Variants in SLC9A9 observed in about 807,000 individuals in gnomAD.
The protein encoded by SLC9A9 is sodium/hydrogen exchanger 9.
In SLC9A9, 62 loss-of-function variants were observed where a neutral mutation model predicts 77.8. The observed-to-expected ratio is 0.80, with a 90% CI of 0.65 to 0.98. The LOEUF is 0.98. Ranked by LOEUF, SLC9A9 falls within the 50% of genes least tolerant of loss-of-function variation. SLC9A9 has a pLI of 0.00. For synonymous variants in SLC9A9, 320 were observed against 283.5 expected, an observed-to-expected ratio of 1.13 and a Z score of -1.29; for missense variants, 775 against 774.9, an observed-to-expected ratio of 1.00 and a Z score of 0.00.
At chr3:143,815,735 G>A (rs112514129) in intron 2 of SLC9A9, among the ~76,000 whole-genome samples, 5 of 152,112 alleles carry the variant, frequency 3.3e-5, no homozygotes, top group South Asian at 2.1e-4. Context: ...GCATGGTGGT[G>A]TGCATCTGTA....
At position 143,564,485 on chromosome 3, in the gene SLC9A9, A is replaced by G. The variant is rs188710650; in HGVS notation, c.1000+9603T>C. On this transcript the variant is annotated intron_variant, in intron 8 of 15. Transcript: ENST00000316549. Reference sequence around the variant, plus strand: ...GTCCTCTGAGGGGTTTAAGAGGTTGATGGGTTATTCTTCCATGCCACACTT... The same window carrying G: ...GTCCTCTGAGGGGTTTAAGAGGTTGGTGGGTTATTCTTCCATGCCACACTT... Among the ~76,000 whole-genome samples the G allele has an allele frequency of 7.9e-5, 12 of 152,256 alleles. No individual in the cohort carries two copies. In the East Asian group the frequency reaches 2.3e-3, roughly 29 times the overall value.
At chr3:143,828,759 A>G (rs911217934) in intron 2 of SLC9A9, among the ~76,000 whole-genome samples, 5 of 152,214 alleles carry the variant, frequency 3.3e-5, no homozygotes, top group Non-Finnish European at 7.3e-5. Context: ...GAGGTCCTGA[A>G]GAAAAAAGTT....
chr3:143,655,681 T>TTCAC, intron 5 of SLC9A9: 3 of 626,142 alleles, frequency 4.8e-6, no homozygotes, highest in Non-Finnish European at 3.9e-6. Flanking sequence ...CATGCACATG[T>TTCAC]ACACACACAC....
chr3:143,831,171 C>A (rs1441146677), intron 2 of SLC9A9, among the ~76,000 whole-genome samples: 1 of 151,802 alleles, frequency 6.6e-6, no homozygotes, highest in Non-Finnish European at 1.5e-5. Context: ...AAAAGTGAAA[C>A]AATGGACTTC....
intron 12 of SLC9A9, among the ~76,000 whole-genome samples, chr3:143,400,724 A>C (rs1327921284): frequency 1.2e-4 from 1 of 8,128 alleles, no homozygotes; most frequent in Non-Finnish European, 3.4e-4. Context: ...TTTATGCAAA[A>C]AAAAAAAAAA....
intron 14 of SLC9A9, among the ~76,000 whole-genome samples, chr3:143,295,774 T>C (rs1434132920): frequency 2.0e-5 from 3 of 152,134 alleles, no homozygotes; most frequent in Admixed American, 1.3e-4. Flanking sequence ...TTAATTGTGC[T>C]TTCAGACCAT....
chr3:143,653,191 A>G (rs1014599321), intron 5 of SLC9A9, among the ~76,000 whole-genome samples: 3 of 152,220 alleles, frequency 2.0e-5, no homozygotes, highest in African/African-American at 7.2e-5. Context: ...AGAACAGGAC[A>G]TGAGGATTTG....
In SLC9A9 at chr3:143,643,291, C is replaced by T. The variant is rs115648938; in HGVS notation, c.755+8964G>A. ...TTATTGGCTTACATTTCCTGTATCA[C>T]AACTGCCCAGGCTAGGGATTTTGAT... is the stretch of plus-strand genomic sequence containing the variant. On this transcript the variant is annotated intron_variant, in intron 6 of 15. Transcript: ENST00000316549. Among the ~76,000 whole-genome samples the T allele has an allele frequency of 4.2e-3, 640 of 152,358 alleles. 2 individuals are homozygous for T. The highest frequency in any genetic ancestry group is 0.012 in the African/African-American group (519 of 41,580).
intron 2 of SLC9A9, among the ~76,000 whole-genome samples, chr3:143,829,674 T>A (rs2009386435): frequency 6.6e-6 from 1 of 152,232 alleles, no homozygotes; most frequent in African/African-American, 2.4e-5. Context: ...ATTTTATTAA[T>A]TCCTGGCATA....
intron 11 of SLC9A9, among the ~76,000 whole-genome samples, chr3:143,485,863 T>C (rs1474377587): frequency 6.6e-6 from 1 of 151,476 alleles, no homozygotes; most frequent in East Asian, 1.9e-4. Flanking sequence ...AAAGAATATG[T>C]TGAGAAAGTT....
At chr3:143,617,220 C>T (rs555583054) in intron 6 of SLC9A9, among the ~76,000 whole-genome samples, 1 of 152,334 alleles carries the variant, frequency 6.6e-6, no homozygotes, top group East Asian at 1.9e-4. Flanking sequence ...AGGCAAGAGT[C>T]AGCAAACTAT....
At chr3:143,423,931 T>C (rs2034357107) in intron 12 of SLC9A9, among the ~76,000 whole-genome samples, 1 of 152,206 alleles carries the variant, frequency 6.6e-6, no homozygotes, top group South Asian at 2.1e-4. Flanking sequence ...CATGAGGAAG[T>C]ATCAGAAACA....
intron 5 of SLC9A9, among the ~76,000 whole-genome samples, chr3:143,678,374 A>G (rs1051745015): frequency 1.3e-5 from 2 of 152,112 alleles, no homozygotes; most frequent in Admixed American, 6.5e-5. Context: ...GAGTCTCTAT[A>G]TCCTTAATCT....
At chr3:143,401,331 C>T (rs1036041613) in intron 12 of SLC9A9, among the ~76,000 whole-genome samples, 1 of 152,192 alleles carries the variant, frequency 6.6e-6, no homozygotes, top group African/African-American at 2.4e-5. Context: ...AGGGTGGTAA[C>T]TGCTCTCCAT....
At position 143,716,498 on chromosome 3, in the gene SLC9A9, T is replaced by C. The variant is rs1934357059; in HGVS notation, c.534-23191A>G. 2.0e-5 allele frequency among the ~76,000 whole-genome samples: 3 copies of C among 152,246 alleles called. No homozygotes were observed. In the South Asian group the frequency reaches 6.2e-4, roughly 32 times the overall value. On this transcript the variant is annotated intron_variant, in intron 4 of 15. Transcript: ENST00000316549. ...AGTTAGAGTGTCTTATCCCAGACTC[T>C]TGTCAAGTGGAGAAGAGTGGCCAAC...
At chr3:143,423,276 CA>C (rs2034342680) in intron 12 of SLC9A9, among the ~76,000 whole-genome samples, 1 of 149,770 alleles carries the variant, frequency 6.7e-6, no homozygotes, top group Admixed American at 6.6e-5. Flanking sequence ...CACACACACA[CA>C]CACACACACA....
intron 2 of SLC9A9, among the ~76,000 whole-genome samples, chr3:143,827,371 A>G (rs1014073932): frequency 6.6e-6 from 1 of 152,218 alleles, no homozygotes; most frequent in Admixed American, 6.5e-5. Flanking sequence ...TGCTCATAAC[A>G]TATAGAAGAA....
At chr3:143,284,416 T>C (rs935034559) in intron 14 of SLC9A9, among the ~76,000 whole-genome samples, 4 of 151,874 alleles carry the variant, frequency 2.6e-5, no homozygotes, top group Admixed American at 1.3e-4. Flanking sequence ...TTTTTTTTTT[T>C]TTTGAAACCA....
intron 9 of SLC9A9, among the ~76,000 whole-genome samples, chr3:143,530,319 C>T (rs34889986): frequency 0.15 from 23,163 of 152,068 alleles, 2,172 homozygotes; most frequent in Non-Finnish European, 0.21. Context: ...GCTGTTTCCC[C>T]CATACTGTTC....
Sources: gnomAD v4.1 joint callset for allele counts (sites outside exome capture counted in the v4.1 genomes callset) on GRCh38, gnomAD v4.1.1 for gene constraint, MANE v1.5 for transcripts, NCBI Gene and HGNC (gene_info 2026-07-23, HGNC 2026-07-21) for gene names.